MUC4: variants seen among roughly 807,000 people sequenced by gnomAD.
The protein encoded by MUC4 is mucin-4.
A neutral mutation model predicts 257.9 loss-of-function variants in MUC4; 202 were observed. The ratio of observed to expected loss-of-function variants is 0.78; its 90% CI spans 0.70 to 0.88. The LOEUF is 0.88. MUC4 is among the 40% of genes least tolerant of loss of function. The probability of loss-of-function intolerance (pLI) is 0.00; values close to 1 mark genes in which losing one functional copy is unlikely to be tolerated. For synonymous variants in MUC4, 2,351 were observed against 2,757.1 expected (o/e 0.85, Z 4.62); for missense variants, 5,976 against 6,513.7 (o/e 0.92, Z 2.84).
At position 195,786,436 on chromosome 3, in the gene MUC4, A is replaced by G; in HGVS notation, c.5144T>C (p.Val1715Ala). 2.0e-6 allele frequency: 3 copies of G among 1,532,622 alleles called. No individual in the cohort carries two copies. Among genetic ancestry groups the G allele is most frequent in the Non-Finnish European group, 2.6e-6 (3 of 1,137,010 alleles). 94.9% of individuals were successfully genotyped at this position (1,532,622 alleles called of 1,614,324 possible). A position where few individuals can be genotyped will look rare whatever the true frequency, so the allele number is the denominator to read the frequency against. Reference protein sequence around the residue: ...ASTGQATPLPVTSLSSVSTGD... With the variant: ...ASTGQATPLPATSLSSVSTGD... ...TGTGGATACTGAGGAAAGGCTGGTG[A>G]CAGGAAGAGGGGTGGCCTGACCTGT... is the stretch of plus-strand genomic sequence containing the variant. Residue 1715 changes from valine to alanine, a missense_variant, in exon 2 of 25, where the codon GTC becomes GCC. Around this residue, in one of 44 missense-constraint regions of MUC4, gnomAD observed 138 missense variants for 107.8 expected, o/e 1.28. Coordinates refer to ENST00000463781, the MANE Select transcript of MUC4 (RefSeq NM_018406.7).
At chr3:195,792,065 A>G (rs1733930313) in intron 1 of MUC4, among the ~76,000 whole-genome samples, 1 of 152,256 alleles carries the variant, frequency 6.6e-6, no homozygotes, top group African/African-American at 2.4e-5. Context: ...ACCATTCAGG[A>G]CATAGACATA....
chr3:195,788,501 CA>C lies in MUC4; in HGVS notation c.3078del (p.Val1027SerfsTer209). The C allele has an allele frequency of 1.3e-6, 2 of 1,493,574 alleles. No individual in the cohort carries two copies. Among genetic ancestry groups the C allele is most frequent in the Non-Finnish European group, 1.8e-6 (2 of 1,116,340 alleles). 92.5% of individuals were successfully genotyped at this position (1,493,574 alleles called of 1,614,324 possible). ...GTGGATTCTGAGGAAGTGTCGGTGA[CA>C]GGAAGAGGGGTGGTGTGACCTGTGG... is the stretch of plus-strand genomic sequence containing the variant. ...SVSTGHTTPLPVTDTSSESTG... is the reference protein window; with the variant it reads ...SVSTGHTTPLXVTDTSSESTG... On this transcript the variant is annotated frameshift_variant, in exon 2 of 25. Coordinates refer to ENST00000463781, the MANE Select transcript of MUC4 (RefSeq NM_018406.7). LOFTEE classifies it high-confidence loss of function.
chr3:195,806,855 G>A (rs1736052807), intron 1 of MUC4, among the ~76,000 whole-genome samples: 2 of 152,340 alleles, frequency 1.3e-5, no homozygotes, highest in Non-Finnish European at 2.9e-5. Flanking sequence ...AGAGCAGCTG[G>A]CATGAGTAGA....
In MUC4 at chr3:195,746,885, CGTGTG is replaced by C. The variant is rs1477365463; in HGVS notation, c.*286_*290del. The C allele has an allele frequency of 8.6e-5, 42 of 485,632 alleles. No individual in the cohort carries two copies. Among genetic ancestry groups the C allele is most frequent in the Admixed American group, 2.6e-4 (7 of 26,794 alleles). The allele number at this position is 485,632 out of a possible 1,614,324, so 30.1% of individuals were successfully genotyped here. A position where few individuals can be genotyped will look rare whatever the true frequency, so the allele number is the denominator to read the frequency against. ...TAGGGCCATCACCACATTATGAACT[CGTGTG>C]TGTGTGTGTGTGTGTGCACGCGCGC... On this transcript the variant is annotated 3_prime_UTR_variant, in exon 25 of 25. Coordinates refer to ENST00000463781, the MANE Select transcript of MUC4 (RefSeq NM_018406.7).
At chr3:195,767,766 C>A (rs1300123182) in intron 7 of MUC4, among the ~76,000 whole-genome samples, 2 of 117,838 alleles carry the variant, frequency 1.7e-5, no homozygotes, top group East Asian at 3.7e-4. Flanking sequence ...ACCATCACCA[C>A]CACCACCACC....
At chr3:195,806,589 T>C (rs1001377716) in intron 1 of MUC4, among the ~76,000 whole-genome samples, 2 of 152,240 alleles carry the variant, frequency 1.3e-5, no homozygotes, top group African/African-American at 4.8e-5. Context: ...AGGCAGGCGT[T>C]TCCTAAATGG....
chr3:195,811,778 G>A lies in MUC4; in HGVS notation c.40C>T (p.Leu14=). 1 of 1,613,998 alleles carries A rather than the reference G, an allele frequency of 6.2e-7. No homozygotes were observed. The highest frequency in any genetic ancestry group is 8.5e-7 in the Non-Finnish European group (1 of 1,179,982). Residue 14 remains leucine, a synonymous_variant, in exon 1 of 25, where the codon CTG becomes TTG. Coordinates refer to ENST00000463781, the MANE Select transcript of MUC4 (RefSeq NM_018406.7). Reference sequence around the variant, plus strand: ...AGGAGGCAGAGACACAGGCAGCTCAGGGACACCCAGGGGACCCTCCTCCAG... The same window carrying A: ...AGGAGGCAGAGACACAGGCAGCTCAAGGACACCCAGGGGACCCTCCTCCAG... The part of the protein sequence containing the change: ...ARWRRVPWVS[L]SCLCLCLLPH...
intron 1 of MUC4, among the ~76,000 whole-genome samples, chr3:195,797,470 A>G (rs1394071388): frequency 1.3e-5 from 2 of 152,182 alleles, no homozygotes; most frequent in African/African-American, 4.8e-5. Flanking sequence ...CTCCTAGCAA[A>G]CTAAAAAGAG....
intron 1 of MUC4, among the ~76,000 whole-genome samples, chr3:195,806,196 C>T (rs1330235525): frequency 6.6e-6 from 1 of 152,206 alleles, no homozygotes; most frequent in East Asian, 1.9e-4. Flanking sequence ...TAACACCTGC[C>T]TTCTCTTTCA....
chr3:195,771,775 G>T lies in MUC4; in HGVS notation c.13119C>A (p.Tyr4373Ter). Residue 4373 changes from tyrosine (Y) to a stop codon, truncating the protein, a stop_gained, in exon 5 of 25, where the codon TAC (tyrosine) becomes TAA (stop). Coordinates refer to ENST00000463781, the MANE Select transcript of MUC4 (RefSeq NM_018406.7). LOFTEE classifies it high-confidence loss of function. ...NGQIIFPESD[Y>*]QIFSYPNPLP... ...GTGGGTTGGGGTAGGAGAAAATCTG[G>T]TAGTCTGACTCTGGGAAGATGATCT... 5.0e-6 allele frequency: 8 copies of T among 1,613,956 alleles called. No homozygotes were observed. Among genetic ancestry groups the T allele is most frequent in the South Asian group, 1.1e-5 (1 of 91,086 alleles).
chr3:195,783,012 T>C lies in MUC4; in HGVS notation c.8568A>G (p.Ser2856=), dbSNP rs1729088609. The change falls in exon 2 of 25, where the codon TCA becomes TCG. Residue 2856 remains serine (S), a synonymous_variant. Transcript: ENST00000463781. ...GAGAGGTGGCGTGACCTGTGGACAC[T>C]GAGGAAGCGTCGGTGACAGGAAGAG... ...TTPLPVTDAS[S]VSTGHATSLP... 8.1e-7 allele frequency: 1 copy of C among 1,239,568 alleles called. No homozygotes were observed. Among genetic ancestry groups the C allele is most frequent in the South Asian group, 1.4e-5 (1 of 73,976 alleles). 76.8% of individuals were successfully genotyped at this position (1,239,568 alleles called of 1,614,324 possible).
rs1471617501 is a variant in MUC4, at chr3:195,785,165, T to C, written c.6415A>G (p.Thr2139Ala). Residue 2139 changes from threonine to alanine, a missense_variant, in exon 2 of 25, where the codon ACA (threonine) becomes GCA (alanine). Transcript: ENST00000463781. ...ACAGGAAGAGGGGTGGTGTCACCTGTGGATGTTGAGGAAGGGCTGGTGACA... is the reference window on the plus strand; with the variant it reads ...ACAGGAAGAGGGGTGGTGTCACCTGCGGATGTTGAGGAAGGGCTGGTGACA... ...LPVTSPSSTSTGDTTPLPVTE... is the reference protein window; with the variant it reads ...LPVTSPSSTSAGDTTPLPVTE... 6.5e-7 allele frequency: 1 copy of C among 1,542,212 alleles called. No homozygotes were observed. The highest frequency in any genetic ancestry group is 2.0e-5 in the Admixed American group (1 of 50,442).
rs1320457257 is a variant in MUC4 at position 195,790,196 on chromosome 3, T to C, written c.1384A>G (p.Thr462Ala). ...GAGCTCCTCTCATGAGGCCGTCCTG[T>C]GGTCTCTGCACCTTCACTCTGCTGG... ...HTQQSEGAET[T>A]GRPHERSSFS... The change falls in exon 2 of 25, where the codon ACA becomes GCA. Residue 462 changes from threonine to alanine, a missense_variant. Around this residue, in one of 44 missense-constraint regions of MUC4, gnomAD observed 1,583 missense variants for 1,257.4 expected, o/e 1.26. Coordinates refer to ENST00000463781, the MANE Select transcript of MUC4 (RefSeq NM_018406.7). 2 of 1,613,902 alleles carry C rather than the reference T, an allele frequency of 1.2e-6. No individual in the cohort carries two copies. Among genetic ancestry groups the C allele is most frequent in the African/African-American group, 2.7e-5 (2 of 74,926 alleles).
At chr3:195,759,345 G>A in intron 16 of MUC4, 84 bp from the exon 17 acceptor site, 2 of 1,530,566 alleles carry the variant, frequency 1.3e-6, no homozygotes, top group South Asian at 1.2e-5. Context: ...ACTCTAATAT[G>A]TGTGAGGCAT....
At position 195,748,872 on chromosome 3, in the gene MUC4, C is replaced by T. The variant is rs370012016; in HGVS notation, c.16034+30G>A. On this transcript the variant is annotated intron_variant, in intron 24 of 24. Transcript: ENST00000463781. The stretch of plus-strand genomic sequence containing the variant: ...CCCAGCTTGGGTTCCCCAGCACTGT[C>T]CTCCACCTCCTGGCCACAGCCCTAT... 13 of 1,535,984 alleles carry T rather than the reference C, an allele frequency of 8.5e-6. No individual in the cohort carries two copies. The African/African-American group carries it at 1.7e-4, about 20-fold the overall frequency.
intron 11 of MUC4, 39 bp downstream of exon 11, chr3:195,764,006 C>G (rs746154509): frequency 6.3e-7 from 1 of 1,590,260 alleles, no homozygotes; most frequent in East Asian, 2.3e-5. Context: ...AGCTCCCCCT[C>G]CCCAGAGGCT....
chr3:195,788,165 C>G lies in MUC4; in HGVS notation c.3415G>C (p.Val1139Leu), dbSNP rs766329726. The G allele has an allele frequency of 2.0e-6, 3 of 1,468,764 alleles. No individual in the cohort carries two copies. Among genetic ancestry groups the G allele is most frequent in the Admixed American group, 2.1e-5 (1 of 48,102 alleles). 91.0% of individuals were successfully genotyped at this position (1,468,764 alleles called of 1,614,324 possible). ...GTGGATACTGAGGAAGTGTCGGTGA[C>G]AGGAAGAGAGGTGGCGTGACCTGTG... The part of the protein sequence containing the change: ...ASTGHATSLP[V>L]TDTSSVSTGH... Residue 1139 changes from valine (V) to leucine (L), a missense_variant, in exon 2 of 25, where the codon GTC becomes CTC. Coordinates refer to ENST00000463781, the MANE Select transcript of MUC4 (RefSeq NM_018406.7).
chr3:195,792,623 A>G (rs368100543), intron 1 of MUC4, among the ~76,000 whole-genome samples: 5 of 152,252 alleles, frequency 3.3e-5, no homozygotes, highest in African/African-American at 1.2e-4. Context: ...CAGCAATCCC[A>G]TTACTGGGTA....
chr3:195,782,539 GTGTCGGTGA>G lies in MUC4; in HGVS notation c.9032_9040del (p.Val3011_Thr3014delinsAla). On this transcript the variant is annotated inframe_deletion, in exon 2 of 25. Transcript: ENST00000463781. ...GGCGTGACCTGTGGATATTGAGGAA[GTGTCGGTGA>G]CAGGAAGAGAGGTGGCGTGACCTAT... The G allele has an allele frequency of 6.8e-7, 1 of 1,474,842 alleles. No homozygotes were observed. Among genetic ancestry groups the G allele is most frequent in the South Asian group, 1.2e-5 (1 of 81,096 alleles). The allele number at this position is 1,474,842 out of a possible 1,614,324, so 91.4% of individuals were successfully genotyped here.
Sources: allele counts gnomAD v4.1 joint callset (sites outside exome capture counted in the v4.1 genomes callset), GRCh38; gene constraint gnomAD v4.1.1; regional missense constraint gnomAD v4.1.1; transcripts MANE v1.5; gene names NCBI Gene and HGNC (gene_info 2026-07-23, HGNC 2026-07-21).